The following CCSER1 variants were observed in gnomAD, a reference collection of about 807,000 sequenced individuals.
CCSER1 encodes coiled-coil serine rich protein 1, also known as serine-rich coiled-coil domain-containing protein 1.
Under a neutral mutation model 82.0 loss-of-function variants are expected in CCSER1, and 41 were observed. The ratio of observed to expected loss-of-function variants is 0.50; its 90% CI spans 0.39 to 0.65. The LOEUF (loss-of-function observed/expected upper bound fraction) is 0.65, where lower values mean the gene tolerates loss of function less well. Among genes scored for constraint, CCSER1 ranks in the 30% least tolerant of loss-of-function variants. CCSER1 has a pLI of 0.00. For synonymous variants in CCSER1, 414 were observed against 383.9 expected (o/e 1.08, Z -0.92); for missense variants, 1,119 against 1,064.2 (o/e 1.05, Z -0.72).
chr4:91,122,326 T>C (rs1355702479), intron 10 of CCSER1, among the ~76,000 whole-genome samples: 1 of 151,774 alleles, frequency 6.6e-6, no homozygotes, highest in Non-Finnish European at 1.5e-5. Context: ...GATAATTTAC[T>C]ATTGATACTC....
chr4:90,877,180 T>C (rs113638591), intron 8 of CCSER1, among the ~76,000 whole-genome samples: 1,713 of 152,212 alleles, frequency 0.011, 16 homozygotes, highest in African/African-American at 0.032. Flanking sequence ...AAAAGCTTGA[T>C]CTGCTTAAAG....
At chr4:90,662,127 T>C (rs1376795528) in intron 6 of CCSER1, among the ~76,000 whole-genome samples, 1 of 151,954 alleles carries the variant, frequency 6.6e-6, no homozygotes, top group African/African-American at 2.4e-5. Context: ...GCCTCCCAAG[T>C]AGCTGGGACT....
chr4:91,490,925 TATAA>T (rs1758500504), intron 10 of CCSER1, among the ~76,000 whole-genome samples: 5 of 87,496 alleles, frequency 5.7e-5, no homozygotes, highest in South Asian at 3.6e-4. Flanking sequence ...TATATATATA[TATAA>T]AATATGCGTC....
intron 3 of CCSER1, among the ~76,000 whole-genome samples, chr4:90,382,486 A>G (rs1448244802): frequency 1.3e-5 from 2 of 152,084 alleles, no homozygotes; most frequent in Admixed American, 6.5e-5. Context: ...ATGTTTGTAT[A>G]TTAATATTGC....
chr4:91,340,170 C>T (rs887007453), intron 10 of CCSER1, among the ~76,000 whole-genome samples: 4 of 151,964 alleles, frequency 2.6e-5, no homozygotes, highest in Non-Finnish European at 5.9e-5. Flanking sequence ...GATTAACAAC[C>T]GTATCTAATA....
At chr4:91,045,093 C>T (rs945935644) in intron 9 of CCSER1, among the ~76,000 whole-genome samples, 4 of 152,050 alleles carry the variant, frequency 2.6e-5, no homozygotes, top group Non-Finnish European at 5.9e-5. Context: ...TAGAACAGTG[C>T]CCTATAGCTA....
At chr4:91,170,126 C>G (rs1225388119) in intron 10 of CCSER1, among the ~76,000 whole-genome samples, 1 of 152,134 alleles carries the variant, frequency 6.6e-6, no homozygotes, top group South Asian at 2.1e-4. Flanking sequence ...CTGGGAGGAG[C>G]TAAAAGATCT....
At chr4:90,246,860 AG>A (rs1268751723) in intron 1 of CCSER1, among the ~76,000 whole-genome samples, 33 of 152,166 alleles carry the variant, frequency 2.2e-4, no homozygotes, top group African/African-American at 7.7e-4. Context: ...ACCTCACTAT[AG>A]GGTTTTTTTT....
intron 7 of CCSER1, among the ~76,000 whole-genome samples, chr4:90,748,042 T>TA (rs1329481115): frequency 3.4e-5 from 5 of 148,820 alleles, no homozygotes; most frequent in African/African-American, 9.9e-5. Context: ...TTTCTTCTTT[T>TA]TTTTTTATTA....
At chr4:91,193,903 AGTTT>A (rs1485010049) in intron 10 of CCSER1, among the ~76,000 whole-genome samples, 1 of 151,860 alleles carries the variant, frequency 6.6e-6, no homozygotes, top group Non-Finnish European at 1.5e-5. Flanking sequence ...ATTGTGTTTT[AGTTT>A]GAGACAATAT....
At chr4:91,354,761 A>G (rs562759685) in intron 10 of CCSER1, among the ~76,000 whole-genome samples, 2 of 152,304 alleles carry the variant, frequency 1.3e-5, no homozygotes, top group African/African-American at 4.8e-5. Context: ...ATGGCCATTG[A>G]TCTTCTATTA....
chr4:90,217,290 G>T (rs1320378616), intron 1 of CCSER1, among the ~76,000 whole-genome samples: 3 of 151,806 alleles, frequency 2.0e-5, no homozygotes, highest in Non-Finnish European at 4.4e-5. Flanking sequence ...TCCACCTCCG[G>T]GGTTCAAGTG....
At chr4:91,316,425 T>C (rs940894813) in intron 10 of CCSER1, among the ~76,000 whole-genome samples, 2 of 151,986 alleles carry the variant, frequency 1.3e-5, no homozygotes, top group African/African-American at 4.8e-5. Flanking sequence ...TATCCAATAA[T>C]AAGCAAGAAC....
chr4:90,467,838 G>C (rs12331537), intron 4 of CCSER1, among the ~76,000 whole-genome samples: 456 of 152,322 alleles, frequency 3.0e-3, no homozygotes, highest in African/African-American at 0.011. Context: ...TGTTTGGGAA[G>C]GGGTACCACA....
chr4:90,200,831 G>A (rs1456616071), intron 1 of CCSER1, among the ~76,000 whole-genome samples: 6 of 151,936 alleles, frequency 3.9e-5, no homozygotes, highest in African/African-American at 1.5e-4. Context: ...TTTATAGATT[G>A]TCAGTACTTA....
intron 7 of CCSER1, among the ~76,000 whole-genome samples, chr4:90,778,436 G>A (rs953822952): frequency 1.3e-5 from 2 of 151,486 alleles, no homozygotes; most frequent in Non-Finnish European, 2.9e-5. Flanking sequence ...ATGACTGCAA[G>A]TAAGCCTTGC....
intron 10 of CCSER1, among the ~76,000 whole-genome samples, chr4:91,461,476 TAAG>T (rs1384207615): frequency 6.6e-6 from 1 of 151,902 alleles, no homozygotes; most frequent in African/African-American, 2.4e-5. Flanking sequence ...TATCCTTTAT[TAAG>T]AAAAAAAAAG....
At chr4:90,448,075 T>C (rs1195220183) in intron 4 of CCSER1, among the ~76,000 whole-genome samples, 1 of 152,154 alleles carries the variant, frequency 6.6e-6, no homozygotes, top group Non-Finnish European at 1.5e-5. Flanking sequence ...TTATTGCTTA[T>C]GTGAAATACT....
In CCSER1 at chr4:91,147,445, C is replaced by T. The variant is rs186954090; in HGVS notation, c.2217+61451C>T. On this transcript the variant is annotated intron_variant, in intron 10 of 10. Coordinates refer to ENST00000509176, the MANE Select transcript of CCSER1 (RefSeq NM_001145065.2). ...GGTAAAAAGCTGTTGCTGGCTAACACGCATACCCTCCTGCACCAGTCTTTC... is the reference window on the plus strand; with the variant it reads ...GGTAAAAAGCTGTTGCTGGCTAACATGCATACCCTCCTGCACCAGTCTTTC... 7.2e-5 allele frequency among the ~76,000 whole-genome samples: 11 copies of T among 152,330 alleles called. No homozygotes were observed. The East Asian group carries it at 1.4e-3, about 19-fold the overall frequency.
Sources: gnomAD v4.1 joint callset for allele counts (sites outside exome capture counted in the v4.1 genomes callset) on GRCh38, gnomAD v4.1.1 for gene constraint, MANE v1.5 for transcripts, NCBI Gene and HGNC (gene_info 2026-07-23, HGNC 2026-07-21) for gene names.